Variants in SMARCC1 observed in about 807,000 individuals in gnomAD.
SMARCC1 encodes SWI/SNF related BAF chromatin remodeling complex subunit C1, also known as SWI/SNF complex subunit SMARCC1.
Under a neutral mutation model 147.4 loss-of-function variants are expected in SMARCC1, and 43 were observed. That is an observed-to-expected ratio of 0.29 (90% CI 0.23 to 0.38). The LOEUF (loss-of-function observed/expected upper bound fraction) is 0.38, where lower values mean the gene tolerates loss of function less well. SMARCC1 is among the 10% of genes least tolerant of loss of function. SMARCC1 has a pLI of 1.00. For synonymous variants in SMARCC1, 495 were observed against 484.4 expected, an observed-to-expected ratio of 1.02 and a Z score of -0.29; for missense variants, 1,119 against 1,381.1, an observed-to-expected ratio of 0.81 and a Z score of 3.01.
chr3:47,762,764 AT>A (rs1457479096), intron 2 of SMARCC1, among the ~76,000 whole-genome samples: 2 of 152,186 alleles, frequency 1.3e-5, no homozygotes, highest in Non-Finnish European at 2.9e-5. Context: ...GCTACTAAAA[AT>A]ATAAGAATTA....
At chr3:47,621,297 T>TC (rs2032727317) in intron 25 of SMARCC1, among the ~76,000 whole-genome samples, 1 of 95,620 alleles carries the variant, frequency 1.0e-5, no homozygotes, top group East Asian at 2.8e-4. Flanking sequence ...AGACTCCGTC[T>TC]CAAAAAAAAA....
At chr3:47,687,023 GTTTTC>G (rs2033733916) in intron 13 of SMARCC1, among the ~76,000 whole-genome samples, 1 of 152,006 alleles carries the variant, frequency 6.6e-6, no homozygotes, top group African/African-American at 2.4e-5. Flanking sequence ...TTTTGAATCA[GTTTTC>G]TTTTACAATG....
chr3:47,652,685 C>T (rs2033204965), intron 21 of SMARCC1, among the ~76,000 whole-genome samples: 1 of 150,270 alleles, frequency 6.7e-6, no homozygotes, highest in African/African-American at 2.4e-5. Context: ...CTCAAATGGC[C>T]AATCAAAAAT....
intron 21 of SMARCC1, among the ~76,000 whole-genome samples, chr3:47,659,519 G>T (rs1482682121): frequency 1.3e-5 from 2 of 152,010 alleles, no homozygotes; most frequent in African/African-American, 4.8e-5. Flanking sequence ...AACAAAAAGG[G>T]AGGGTGGTTC....
chr3:47,638,171 A>T (rs113618454), intron 22 of SMARCC1, among the ~76,000 whole-genome samples: 62 of 152,200 alleles, frequency 4.1e-4, no homozygotes, highest in African/African-American at 1.4e-3. Context: ...GCTCACTGCA[A>T]GCTCTGTCTC....
chr3:47,650,411 TCCTATCAATG>T (rs2033176659), intron 21 of SMARCC1, among the ~76,000 whole-genome samples: 1 of 151,718 alleles, frequency 6.6e-6, no homozygotes, highest in Admixed American at 6.6e-5. Context: ...CACTGTGCTA[TCCTATCAATG>T]TTTGCTGTAA....
intron 9 of SMARCC1, among the ~76,000 whole-genome samples, chr3:47,707,795 C>T (rs1400701845): frequency 6.6e-6 from 1 of 152,118 alleles, no homozygotes; most frequent in Non-Finnish European, 1.5e-5. Flanking sequence ...GGGAGGATAG[C>T]TTGTGCTCCG....
At chr3:47,710,091 C>A (rs1204051296) in intron 9 of SMARCC1, among the ~76,000 whole-genome samples, 1 of 152,106 alleles carries the variant, frequency 6.6e-6, no homozygotes, top group Non-Finnish European at 1.5e-5. Context: ...CCAAGGCAGG[C>A]TGATCACCTG....
Position 47,672,773 on chromosome 3 carries a change from T to TTTC in SMARCC1, c.1840-2059_1840-2057dup, listed in dbSNP as rs750773110. On this transcript the variant is annotated intron_variant, in intron 18 of 27. Coordinates refer to ENST00000254480, the MANE Select transcript of SMARCC1 (RefSeq NM_003074.4). ...TCTGCCCCACAGACTTAAGTCAATG[T>TTTC]TTCTTCTTCTTCTTCTTCTTTTTTA... Among the ~76,000 whole-genome samples, 15 of 151,744 alleles carry TTTC rather than the reference T, an allele frequency of 9.9e-5. No individual in the cohort carries two copies. In the East Asian group the frequency reaches 1.4e-3, roughly 14 times the overall value.
rs187946039 is a variant in SMARCC1 at position 47,683,574 on chromosome 3, C to T, written c.1385+2475G>A. The stretch of plus-strand genomic sequence containing the variant: ...GTATAAAAAGTACCCCAAGATTGGC[C>T]GGACGCAGTGGCTCACACCTGTAAT... On this transcript the variant is annotated intron_variant, in intron 14 of 27. Transcript: ENST00000254480. 1.7e-3 allele frequency among the ~76,000 whole-genome samples: 253 copies of T among 152,030 alleles called. 2 individuals are homozygous for T. The highest frequency in any genetic ancestry group is 3.9e-3 in the Admixed American group (59 of 15,272).
In SMARCC1 at chr3:47,777,126, G is replaced by A. The variant is rs190295335; in HGVS notation, c.196-4190C>T. Among the ~76,000 whole-genome samples, 12 of 150,512 alleles carry A rather than the reference G, an allele frequency of 8.0e-5. No homozygotes were observed. In the East Asian group the frequency reaches 2.4e-3, roughly 30 times the overall value. On this transcript the variant is annotated intron_variant, in intron 1 of 27. Transcript: ENST00000254480. ...TGAGAGAGTCTTGCTCTGTCACCTA[G>A]GCTGGAGTGCAGTGGCGTAATCTCG...
At chr3:47,637,308 T>C (rs184690198) in intron 22 of SMARCC1, among the ~76,000 whole-genome samples, 29 of 152,320 alleles carry the variant, frequency 1.9e-4, no homozygotes, top group Middle Eastern at 3.4e-3. Flanking sequence ...CCCTTAACTA[T>C]ATACAATTTT....
intron 1 of SMARCC1, among the ~76,000 whole-genome samples, chr3:47,774,306 C>T (rs1181278756): frequency 1.3e-5 from 2 of 150,944 alleles, no homozygotes; most frequent in Non-Finnish European, 2.9e-5. Context: ...ACCCCGTCTC[C>T]ACTAAAAAAC....
intron 25 of SMARCC1, among the ~76,000 whole-genome samples, chr3:47,620,260 C>T (rs1321954961): frequency 2.0e-5 from 3 of 151,842 alleles, no homozygotes; most frequent in East Asian, 1.9e-4. Context: ...CTCAGGAGTT[C>T]GAGACCAGCC....
Position 47,738,123 on chromosome 3 carries a change from A to C in SMARCC1, c.402-13T>G, listed in dbSNP as rs774818121. 2 of 1,543,708 alleles carry C rather than the reference A, an allele frequency of 1.3e-6. No homozygotes were observed. The highest frequency in any genetic ancestry group is 2.8e-5 in the African/African-American group (2 of 71,584). On this transcript the variant is annotated splice_polypyrimidine_tract_variant and intron_variant, in intron 3 of 27. Transcript: ENST00000254480. ...GTCAAACCTCCGCCTAAAAAAAAAG[A>C]AAAACCCTAGTTAATTTGTCTCCCA...
chr3:47,596,525 C>A (rs1201709006), intron 26 of SMARCC1, among the ~76,000 whole-genome samples: 2 of 151,564 alleles, frequency 1.3e-5, no homozygotes, highest in Middle Eastern at 3.4e-3. Context: ...CGAGATCATG[C>A]CACTGCACTC....
At chr3:47,758,616 T>C (rs2034732251) in intron 2 of SMARCC1, among the ~76,000 whole-genome samples, 1 of 152,206 alleles carries the variant, frequency 6.6e-6, no homozygotes, top group Non-Finnish European at 1.5e-5. Flanking sequence ...GTATTGTATA[T>C]AGCTGCTTTC....
intron 7 of SMARCC1, among the ~76,000 whole-genome samples, chr3:47,716,378 A>G (rs754535983): frequency 3.6e-5 from 5 of 140,692 alleles, no homozygotes; most frequent in Non-Finnish European, 6.0e-5. Flanking sequence ...AGATCGCACC[A>G]CTGCACTCCA....
At chr3:47,634,341 C>T (rs1049237806) in intron 24 of SMARCC1, among the ~76,000 whole-genome samples, 1 of 152,170 alleles carries the variant, frequency 6.6e-6, no homozygotes, top group Non-Finnish European at 1.5e-5. Context: ...GCATTCAAAA[C>T]AGTAATCTTG....
Sources: gnomAD v4.1 joint callset for allele counts (sites outside exome capture counted in the v4.1 genomes callset) on GRCh38, gnomAD v4.1.1 for gene constraint, MANE v1.5 for transcripts, NCBI Gene and HGNC (gene_info 2026-07-23, HGNC 2026-07-21) for gene names.